PLET1: variants seen among roughly 807,000 people sequenced by gnomAD.
PLET1 encodes placenta expressed transcript 1, also known as placenta-expressed transcript 1 protein.
A neutral mutation model predicts 18.5 loss-of-function variants in PLET1; 20 were observed. The ratio of observed to expected loss-of-function variants is 1.08; its 90% CI spans 0.76 to 1.57. PLET1 has a LOEUF of 1.57. Among genes scored for constraint, PLET1 ranks in the 40% most tolerant of loss-of-function variants. The pLI, the probability that PLET1 is intolerant of heterozygous loss-of-function variation, is 0.00. For synonymous variants in PLET1, 93 were observed against 93.8 expected, an observed-to-expected ratio of 0.99 and a Z score of 0.05; for missense variants, 256 against 246.4, an observed-to-expected ratio of 1.04 and a Z score of -0.26.
Position 112,256,937 on chromosome 11 carries a change from A to G in PLET1, c.185-1348T>C, listed in dbSNP as rs1293672451. Reference sequence around the variant, plus strand: ...CCTCTTTCTTCCTTCCTAGGCACCTATATTTTCTGGATTTCTGGCCTTAGG... The same window carrying G: ...CCTCTTTCTTCCTTCCTAGGCACCTGTATTTTCTGGATTTCTGGCCTTAGG... On this transcript the variant is annotated intron_variant, in intron 1 of 3. Coordinates refer to ENST00000338832, the MANE Select transcript of PLET1 (RefSeq NM_001145024.1). Among the ~76,000 whole-genome samples, 2 of 152,140 alleles carry G rather than the reference A, an allele frequency of 1.3e-5. 1 individual carries two copies. Among genetic ancestry groups the G allele is most frequent in the Non-Finnish European group, 2.9e-5 (2 of 68,024 alleles).
In PLET1 at chr11:112,260,543, A is replaced by G; in HGVS notation, c.47T>C (p.Leu16Pro). The G allele has an allele frequency of 6.4e-7, 1 of 1,551,730 alleles. No individual in the cohort carries two copies. The change falls in exon 1 of 4, where the codon CTG (leucine) becomes CCG (proline). Residue 16 changes from leucine (L) to proline (P), a missense_variant. Physicochemically the swap from Leu to Pro is moderately conservative, Grantham distance 98. Transcript: ENST00000338832. ...DMLLQPLGMFLCLSLQLSSAT... is the reference protein window; with the variant it reads ...DMLLQPLGMFPCLSLQLSSAT... Reference sequence around the variant, plus strand: ...AGAAGAAAGCTGCAGACTGAGGCACAGAAACATCCCCAGTGGCTGCAGCAG... The same window carrying G: ...AGAAGAAAGCTGCAGACTGAGGCACGGAAACATCCCCAGTGGCTGCAGCAG...
intron 3 of PLET1, 53 bp downstream of exon 3, chr11:112,252,295 C>A: frequency 6.7e-7 from 1 of 1,482,812 alleles, no homozygotes; most frequent in Non-Finnish European, 9.2e-7. Flanking sequence ...GGTAATTTTC[C>A]AGGCTGACTG....
intron 2 of PLET1, among the ~76,000 whole-genome samples, chr11:112,255,115 ATG>A (rs541988704): frequency 0.011 from 887 of 82,498 alleles, 3 homozygotes; most frequent in African/African-American, 0.037. Flanking sequence ...TGTGTGGTGT[ATG>A]TGTGTGAGGT....
At position 112,248,682 on chromosome 11, in the gene PLET1, T is replaced by A; in HGVS notation, c.*117A>T. 1 of 1,221,062 alleles carries A rather than the reference T, an allele frequency of 8.2e-7. No individual in the cohort carries two copies. Among genetic ancestry groups the A allele is most frequent in the Non-Finnish European group, 1.1e-6 (1 of 885,912 alleles). The allele number at this position is 1,221,062 out of a possible 1,614,324, so 75.6% of individuals were successfully genotyped here. A position where few individuals can be genotyped will look rare whatever the true frequency, so the allele number is the denominator to read the frequency against. ...TTGGTCTGAAGCCGTGGCAGCAAAG[T>A]TGCACATTTGAGAATGTAAAGCCTT... On this transcript the variant is annotated 3_prime_UTR_variant, in exon 4 of 4. Coordinates refer to ENST00000338832, the MANE Select transcript of PLET1 (RefSeq NM_001145024.1).
rs1566832163 is a variant in PLET1, at chr11:112,260,614, T to C, written c.-25A>G. 1 of 1,541,916 alleles carries C rather than the reference T, an allele frequency of 6.5e-7. No homozygotes were observed. The highest frequency in any genetic ancestry group is 2.4e-5 in the East Asian group (1 of 40,878). On this transcript the variant is annotated 5_prime_UTR_variant, in exon 1 of 4. Coordinates refer to ENST00000338832, the MANE Select transcript of PLET1 (RefSeq NM_001145024.1). ...TGGTCTCAGTCTGTTTGGAAAGTGC[T>C]AGGCCTGGAATTGGGTGAAACTGAC...
chr11:112,254,280 AGTGT>A (rs1014407147), intron 2 of PLET1, among the ~76,000 whole-genome samples: 6 of 132,424 alleles, frequency 4.5e-5, no homozygotes, highest in African/African-American at 1.2e-4. Flanking sequence ...TAAGGTGTGT[AGTGT>A]GTGTATGTGT....
intron 2 of PLET1, 64 bp downstream of exon 2, chr11:112,255,324 G>T: frequency 6.8e-7 from 1 of 1,479,284 alleles, no homozygotes; most frequent in Non-Finnish European, 9.2e-7. Context: ...CTAGCTTAGT[G>T]TAAAACTGCA....
Position 112,259,937 on chromosome 11 carries a change from C to G in PLET1, c.184+469G>C, listed in dbSNP as rs188561340. Reference sequence around the variant, plus strand: ...CCTGTAATCCCAGCTACTTGGGAGGCTGAGGTACAAGAATTGCTTGAACCC... The same window carrying G: ...CCTGTAATCCCAGCTACTTGGGAGGGTGAGGTACAAGAATTGCTTGAACCC... On this transcript the variant is annotated intron_variant, in intron 1 of 3. Coordinates refer to ENST00000338832, the MANE Select transcript of PLET1 (RefSeq NM_001145024.1). Among the ~76,000 whole-genome samples, 5 of 152,210 alleles carry G rather than the reference C, an allele frequency of 3.3e-5. No homozygotes were observed. In the East Asian group the frequency reaches 9.6e-4, roughly 29 times the overall value.
In PLET1 at chr11:112,254,892, GTGGT is replaced by G. The variant is rs1429512695; in HGVS notation, c.386+492_386+495del. On this transcript the variant is annotated intron_variant, in intron 2 of 3. Transcript: ENST00000338832. ...TGTGGTGCATGTGGTATGTATGTGT[GTGGT>G]GTATGTGGTGTGTGTGGGGTATGTA... is the stretch of plus-strand genomic sequence containing the variant. 1.1e-4 allele frequency among the ~76,000 whole-genome samples: 8 copies of G among 71,400 alleles called. No individual in the cohort carries two copies. The East Asian group carries it at 1.7e-3, about 16-fold the overall frequency. 46.8% of individuals were successfully genotyped at this position (71,400 alleles called of 152,430 possible).
chr11:112,251,033 T>C (rs1401832098), intron 3 of PLET1, among the ~76,000 whole-genome samples: 1 of 152,206 alleles, frequency 6.6e-6, no homozygotes, highest in South Asian at 2.1e-4. Flanking sequence ...TGTCTTTCAG[T>C]GTCTGGGGGC....
intron 1 of PLET1, among the ~76,000 whole-genome samples, chr11:112,258,039 T>C (rs892411865): frequency 6.6e-6 from 1 of 152,136 alleles, no homozygotes; most frequent in African/African-American, 2.4e-5. Context: ...TGCAGCACAT[T>C]TCTGTTTTAA....
At chr11:112,249,040 G>T (rs1860128591) in intron 3 of PLET1, 66 bp from the exon 4 acceptor site, 1 of 1,427,168 alleles carries the variant, frequency 7.0e-7, no homozygotes, top group Admixed American at 2.1e-5. Context: ...TTGGGTGGTG[G>T]GTGGGCACTC....
intron 2 of PLET1, among the ~76,000 whole-genome samples, chr11:112,254,507 TGTGGTGTGTGTG>T (rs1860192303): frequency 7.3e-6 from 1 of 136,516 alleles, no homozygotes. Context: ...CATGAGTGTG[TGTGGTGTGTGTG>T]GTATGTATGT....
intron 2 of PLET1, among the ~76,000 whole-genome samples, chr11:112,254,058 A>G (rs1860184729): frequency 1.3e-5 from 2 of 152,210 alleles, no homozygotes; most frequent in Admixed American, 6.5e-5. Flanking sequence ...TTATTACACA[A>G]TCATCACACT....
At chr11:112,257,742 G>GT (rs1860237765) in intron 1 of PLET1, among the ~76,000 whole-genome samples, 3 of 152,128 alleles carry the variant, frequency 2.0e-5, no homozygotes, top group African/African-American at 7.2e-5. Context: ...AGCTGCAGTT[G>GT]TTTCTTGGGA....
Position 112,254,213 on chromosome 11 carries a change from GT to G in PLET1, c.386+1174del, listed in dbSNP as rs1566828467. 1.0e-3 allele frequency among the ~76,000 whole-genome samples: 155 copies of G among 149,524 alleles called. 1 individual carries two copies. Among genetic ancestry groups the G allele is most frequent in the African/African-American group, 2.7e-3 (111 of 40,656 alleles). ...GTGGTGTGTGTGTGTGTGTGTGTGT[GT>G]GTGTGAAAAGGGGGTATGTGTGGGA... On this transcript the variant is annotated intron_variant, in intron 2 of 3. Coordinates refer to ENST00000338832, the MANE Select transcript of PLET1 (RefSeq NM_001145024.1).
rs1860215933 is a variant in PLET1, at chr11:112,255,491, A to G, written c.283T>C (p.Cys95Arg). The change falls in exon 2 of 4, where the codon TGC becomes CGC. Residue 95 changes from cysteine (C) to arginine (R), a missense_variant. By Grantham distance (180) the Cys-to-Arg change is radical. Transcript: ENST00000338832. ...ACGTAATACGTGGAGTTGCTGTAGC[A>G]ATTTTTATCCGCTCTTTGCCAGAGG... Reference protein sequence around the residue: ...AGLWQRADKNCYSNSTYYVKD... With the variant: ...AGLWQRADKNRYSNSTYYVKD... 6.4e-7 allele frequency: 1 copy of G among 1,551,936 alleles called. No individual in the cohort carries two copies. Among genetic ancestry groups the G allele is most frequent in the African/African-American group, 1.4e-5 (1 of 73,022 alleles).
intron 1 of PLET1, among the ~76,000 whole-genome samples, chr11:112,256,576 C>G (rs1860226438): frequency 6.6e-6 from 1 of 152,180 alleles, no homozygotes; most frequent in South Asian, 2.1e-4. Context: ...CCTTCATTAT[C>G]TGAGATCATG....
Position 112,260,581 on chromosome 11 carries a change from G to C in PLET1, c.9C>G (p.Val3=), listed in dbSNP as rs1328715340. MA[V]FHDMLLQPLG... ...GTGGCTGCAGCAGCATGTCATGGAAGACTGCCATGGTCTCAGTCTGTTTGG... is the reference window on the plus strand; with the variant it reads ...GTGGCTGCAGCAGCATGTCATGGAACACTGCCATGGTCTCAGTCTGTTTGG... The change falls in exon 1 of 4, where the codon GTC becomes GTG. Residue 3 remains valine (V), a synonymous_variant. Transcript: ENST00000338832. 2 of 1,550,886 alleles carry C rather than the reference G, an allele frequency of 1.3e-6. No individual in the cohort carries two copies. Among genetic ancestry groups the C allele is most frequent in the Non-Finnish European group, 1.7e-6 (2 of 1,146,784 alleles).
Sources: gnomAD v4.1 joint callset for allele counts (sites outside exome capture counted in the v4.1 genomes callset) on GRCh38, gnomAD v4.1.1 for gene constraint, MANE v1.5 for transcripts, NCBI Gene and HGNC (gene_info 2026-07-23, HGNC 2026-07-21) for gene names.